The following NRG1 variants were observed in gnomAD, a reference collection of about 807,000 sequenced individuals.
The protein encoded by NRG1 is neuregulin 1, also known as pro-neuregulin-1, membrane-bound isoform.
A neutral mutation model predicts 63.8 loss-of-function variants in NRG1; 18 were observed. That is an observed-to-expected ratio of 0.28 (90% CI 0.19 to 0.42). The LOEUF is 0.42. Among genes scored for constraint, NRG1 ranks in the 10% least tolerant of loss-of-function variants. The pLI is 1.00. For synonymous variants in NRG1, 302 were observed against 301.3 expected (o/e 1.00, Z -0.02); for missense variants, 762 against 814.7 (o/e 0.94, Z 0.79).
At chr8:32,761,236 C>G (rs1410201069) in intron 11 of NRG1, among the ~76,000 whole-genome samples, 1 of 152,222 alleles carries the variant, frequency 6.6e-6, no homozygotes, top group African/African-American at 2.4e-5. Flanking sequence ...CATCAGTAAG[C>G]TGTTACCTGT....
intron 1 of NRG1, among the ~76,000 whole-genome samples, chr8:32,372,684 C>T (rs1809068132): frequency 1.3e-5 from 2 of 152,178 alleles, no homozygotes; most frequent in African/African-American, 4.8e-5. Context: ...CCATCATCTG[C>T]ATTTGAATCT....
chr8:31,804,651 G>C (rs1822103831), intron 1 of NRG1, among the ~76,000 whole-genome samples: 1 of 152,158 alleles, frequency 6.6e-6, no homozygotes, highest in South Asian at 2.1e-4. Flanking sequence ...TGGAAACTCA[G>C]GTAGCAGTTG....
chr8:31,830,355 TTCCTTCCCTCCTTC>T (rs1825007832), intron 1 of NRG1, among the ~76,000 whole-genome samples: 1 of 89,290 alleles, frequency 1.1e-5, no homozygotes, highest in African/African-American at 5.0e-5. Context: ...CCTTCCTTCC[TTCCTTCCCTCCTTC>T]CCTCCTTCCC....
intron 1 of NRG1, among the ~76,000 whole-genome samples, chr8:32,390,141 G>T (rs1249211787): frequency 6.6e-6 from 1 of 152,014 alleles, no homozygotes; most frequent in Non-Finnish European, 1.5e-5. Flanking sequence ...CTATGCCTGG[G>T]CTACATCTTA....
intron 1 of NRG1, among the ~76,000 whole-genome samples, chr8:32,301,335 G>A (rs1855543522): frequency 6.6e-6 from 1 of 152,144 alleles, no homozygotes; most frequent in South Asian, 2.1e-4. Context: ...TTATATGTTG[G>A]CATTTTGGAA....
At chr8:32,405,800 TTTAAG>T (rs1388959353) in intron 1 of NRG1, among the ~76,000 whole-genome samples, 1 of 139,416 alleles carries the variant, frequency 7.2e-6, no homozygotes, top group African/African-American at 2.6e-5. Flanking sequence ...TTTAGTGATA[TTTAAG>T]TTAACATATT....
intron 1 of NRG1, among the ~76,000 whole-genome samples, chr8:32,498,387 G>T (rs1016855759): frequency 1.3e-5 from 2 of 152,196 alleles, no homozygotes; most frequent in Non-Finnish European, 2.9e-5. Context: ...TCACAGTTCT[G>T]CAGGGCGTGG....
chr8:31,721,301 T>G (rs1300193234), intron 1 of NRG1, among the ~76,000 whole-genome samples: 1 of 152,220 alleles, frequency 6.6e-6, no homozygotes, highest in Non-Finnish European at 1.5e-5. Context: ...GATATTGTAA[T>G]CCTGTGTGGG....
At chr8:32,540,061 G>A (rs1169720828) in intron 1 of NRG1, among the ~76,000 whole-genome samples, 1 of 152,130 alleles carries the variant, frequency 6.6e-6, no homozygotes, top group Non-Finnish European at 1.5e-5. Flanking sequence ...TAAAGGAAGG[G>A]TCAAAAGAAA....
intron 1 of NRG1, among the ~76,000 whole-genome samples, chr8:32,022,761 C>G (rs1397194234): frequency 6.6e-6 from 1 of 151,920 alleles, no homozygotes; most frequent in Non-Finnish European, 1.5e-5. Flanking sequence ...TTCACTGTAC[C>G]TGGTACAATC....
At chr8:31,786,082 T>C (rs891469661) in intron 1 of NRG1, among the ~76,000 whole-genome samples, 16 of 152,194 alleles carry the variant, frequency 1.1e-4, no homozygotes, top group Non-Finnish European at 2.2e-4. Context: ...AAAAGCCCAC[T>C]GTATGCCAAG....
chr8:31,817,585 TA>T lies in NRG1; in HGVS notation c.37+178161del, dbSNP rs769615338. 2.6e-4 allele frequency among the ~76,000 whole-genome samples: 40 copies of T among 152,316 alleles called. No individual in the cohort carries two copies. In the East Asian group the frequency reaches 5.4e-3, roughly 21 times the overall value. ...CTTTATATTTGCATTTTTCTTTATT[TA>T]AAAAAATCAATCTGTGGTATAGTAG... On this transcript the variant is annotated intron_variant, in intron 1 of 10. Transcript: ENST00000519301.
chr8:31,904,841 A>G (rs900114166), intron 1 of NRG1, among the ~76,000 whole-genome samples: 4 of 152,116 alleles, frequency 2.6e-5, no homozygotes, highest in East Asian at 1.9e-4. Context: ...ACACCTGGAT[A>G]CAAGGGAACA....
At chr8:32,611,394 G>A (rs1846335600) in intron 3 of NRG1, among the ~76,000 whole-genome samples, 1 of 151,884 alleles carries the variant, frequency 6.6e-6, no homozygotes, top group Non-Finnish European at 1.5e-5. Context: ...TCACAATATT[G>A]GGAAACAACC....
At chr8:31,678,452 A>G (rs1807959128) in intron 1 of NRG1, among the ~76,000 whole-genome samples, 1 of 152,020 alleles carries the variant, frequency 6.6e-6, no homozygotes, top group Non-Finnish European at 1.5e-5. Flanking sequence ...TTGAATTTAG[A>G]AGTTTTCTTA....
chr8:32,231,775 G>A (rs901980238), intron 1 of NRG1, among the ~76,000 whole-genome samples: 2 of 151,608 alleles, frequency 1.3e-5, no homozygotes, highest in South Asian at 2.1e-4. Flanking sequence ...GGTGGCATGC[G>A]CCTGCAGTCT....
At chr8:32,130,640 CT>C (rs1216817688) in intron 1 of NRG1, among the ~76,000 whole-genome samples, 2 of 151,884 alleles carry the variant, frequency 1.3e-5, no homozygotes, top group African/African-American at 4.8e-5. Context: ...GCTAACTGTG[CT>C]GAAATAGACA....
chr8:32,464,524 G>C (rs944765768), intron 1 of NRG1, among the ~76,000 whole-genome samples: 1 of 152,136 alleles, frequency 6.6e-6, no homozygotes, highest in African/African-American at 2.4e-5. Context: ...TAATGCTCCT[G>C]TAGTTCATAC....
intron 1 of NRG1, among the ~76,000 whole-genome samples, chr8:31,998,625 A>C (rs2129633764): frequency 6.6e-6 from 1 of 152,104 alleles, no homozygotes; most frequent in South Asian, 2.1e-4. Context: ...GGAACTTTAC[A>C]CAATGGTGAG....
Sources: allele counts gnomAD v4.1 joint callset (sites outside exome capture counted in the v4.1 genomes callset), GRCh38; gene constraint gnomAD v4.1.1; transcripts MANE v1.5; gene names NCBI Gene and HGNC (gene_info 2026-07-23, HGNC 2026-07-21).